SGCD: variants seen among roughly 807,000 people sequenced by gnomAD.
The protein encoded by SGCD is delta-sarcoglycan.
A neutral mutation model predicts 36.6 loss-of-function variants in SGCD; 18 were observed. That is an observed-to-expected ratio of 0.49 (90% CI 0.34 to 0.73). The LOEUF is 0.73. Ranked by LOEUF, SGCD falls within the 30% of genes least tolerant of loss-of-function variation. The pLI, the probability that SGCD is intolerant of heterozygous loss-of-function variation, is 0.01. For missense variants in SGCD, 387 were observed against 346.7 expected, an observed-to-expected ratio of 1.12 and a Z score of -0.92; for synonymous variants, 133 against 130.6, an observed-to-expected ratio of 1.02 and a Z score of -0.12.
chr5:155,994,046 C>T (rs1436130902), intron 1 of SGCD, among the ~76,000 whole-genome samples: 1 of 152,172 alleles, frequency 6.6e-6, no homozygotes, highest in Non-Finnish European at 1.5e-5. Flanking sequence ...AATCTGTCCC[C>T]AGTATTTTAC....
At chr5:156,733,118 C>T (rs1756165856) in intron 7 of SGCD, among the ~76,000 whole-genome samples, 1 of 151,792 alleles carries the variant, frequency 6.6e-6, no homozygotes, top group African/African-American at 2.4e-5. Flanking sequence ...GGTTTGTTTG[C>T]TCTTGGTTCT....
chr5:156,751,982 T>A (rs142761833), intron 7 of SGCD, among the ~76,000 whole-genome samples: 6 of 152,226 alleles, frequency 3.9e-5, no homozygotes, highest in Non-Finnish European at 7.3e-5. Context: ...ACAAGAATGT[T>A]CATGGTTGCA....
chr5:156,243,080 CT>C (rs1274836668), intron 3 of SGCD, among the ~76,000 whole-genome samples: 1 of 152,124 alleles, frequency 6.6e-6, no homozygotes, highest in Non-Finnish European at 1.5e-5. Flanking sequence ...AGGACTGTGT[CT>C]GCACAAAGGG....
chr5:156,599,436 A>G (rs1243791620), intron 6 of SGCD, among the ~76,000 whole-genome samples: 1 of 152,230 alleles, frequency 6.6e-6, no homozygotes, highest in Non-Finnish European at 1.5e-5. Context: ...AGTAAATGCT[A>G]TGTAAAAAGT....
At chr5:156,128,760 C>A (rs964987339) in intron 3 of SGCD, among the ~76,000 whole-genome samples, 3 of 152,140 alleles carry the variant, frequency 2.0e-5, no homozygotes, top group Non-Finnish European at 4.4e-5. Flanking sequence ...TTGCCTTCTG[C>A]CATGATTGTA....
rs374594029 is a variant in SGCD at position 156,499,324 on chromosome 5, G to A, written c.193-9277G>A. Among the ~76,000 whole-genome samples, 10 of 152,212 alleles carry A rather than the reference G, an allele frequency of 6.6e-5. No homozygotes were observed. The East Asian group carries it at 7.7e-4, about 12-fold the overall frequency. Reference sequence around the variant, plus strand: ...AGCACTTTCTGAACAATCTCTAGCCGATTTCTTTTTTTCTCTTGCAATTAG... The same window carrying A: ...AGCACTTTCTGAACAATCTCTAGCCAATTTCTTTTTTTCTCTTGCAATTAG... On this transcript the variant is annotated intron_variant, in intron 3 of 8. Transcript: ENST00000337851.
chr5:156,075,656 CA>C (rs1350533893), intron 1 of SGCD, among the ~76,000 whole-genome samples: 1 of 152,090 alleles, frequency 6.6e-6, no homozygotes, highest in Non-Finnish European at 1.5e-5. Context: ...TAGAAAGAAA[CA>C]TAGTAATTAT....
At chr5:156,559,276 G>A (rs1215659190) in intron 4 of SGCD, among the ~76,000 whole-genome samples, 3 of 152,044 alleles carry the variant, frequency 2.0e-5, no homozygotes, top group South Asian at 2.1e-4. Flanking sequence ...TGGAATACCC[G>A]CATCTGTCAT....
At chr5:156,603,799 G>A (rs186757992) in intron 6 of SGCD, among the ~76,000 whole-genome samples, 57 of 152,092 alleles carry the variant, frequency 3.7e-4, no homozygotes, top group African/African-American at 1.3e-3. Context: ...GTTAAGACTT[G>A]TTTTGTGGTA....
chr5:156,368,197 T>C (rs1160113479), intron 3 of SGCD, among the ~76,000 whole-genome samples: 1 of 151,998 alleles, frequency 6.6e-6, no homozygotes, highest in Non-Finnish European at 1.5e-5. Flanking sequence ...GTTCAAGCAA[T>C]TCTCTGCTTT....
intron 3 of SGCD, among the ~76,000 whole-genome samples, chr5:156,240,074 C>T (rs922159318): frequency 2.0e-5 from 3 of 152,068 alleles, no homozygotes. Flanking sequence ...GAAGCCTTAC[C>T]CAGTGCTGTG....
chr5:156,644,222 T>C (rs966428740), intron 6 of SGCD, among the ~76,000 whole-genome samples: 1 of 152,200 alleles, frequency 6.6e-6, no homozygotes, highest in Non-Finnish European at 1.5e-5. Context: ...TGCTATTTGC[T>C]GTCCTAGTAA....
At position 155,871,056 on chromosome 5, in the gene SGCD, C is replaced by G. The variant is rs372574786; in HGVS notation, c.-282+632C>G. Among the ~76,000 whole-genome samples the G allele has an allele frequency of 2.9e-4, 44 of 151,686 alleles. 1 individual carries two copies. The highest frequency in any genetic ancestry group is 9.9e-4 in the African/African-American group (41 of 41,332). On this transcript the variant is annotated intron_variant, in intron 1 of 9. Transcript: ENST00000517913. ...GATTGATTTCGGTTTTTTTTTGCAA[C>G]TTTTCTGTAGAGAGACTTGGATTGC...
chr5:156,229,937 C>T (rs760530529), intron 3 of SGCD, among the ~76,000 whole-genome samples: 2 of 152,230 alleles, frequency 1.3e-5, no homozygotes. Context: ...CTTTCTTCTA[C>T]TTGTTCAATT....
intron 4 of SGCD, among the ~76,000 whole-genome samples, chr5:156,513,515 C>A (rs1319099532): frequency 6.6e-6 from 1 of 152,154 alleles, no homozygotes; most frequent in Non-Finnish European, 1.5e-5. Flanking sequence ...GGGGTATCAC[C>A]TTCTGCTTTT....
At position 156,572,969 on chromosome 5, in the gene SGCD, A is replaced by G. The variant is rs1759782547; in HGVS notation, c.295-16262A>G. ...TTTTGACCAGCCAAGAAAGAAATTTAGGGTACACAAAAATAATTAAGAAAT... is the reference window on the plus strand; with the variant it reads ...TTTTGACCAGCCAAGAAAGAAATTTGGGGTACACAAAAATAATTAAGAAAT... On this transcript the variant is annotated intron_variant, in intron 4 of 8. Transcript: ENST00000337851. Among the ~76,000 whole-genome samples the G allele has an allele frequency of 2.6e-5, 4 of 152,200 alleles. No homozygotes were observed. In the South Asian group the frequency reaches 8.3e-4, roughly 32 times the overall value.
rs115253258 is a variant in SGCD, at chr5:156,282,694, G to T, written c.-43-46840G>T. ...CCTTTACTCTGATTACTTACGTGTG[G>T]TCTATATGTAGTCTTAAAAATTCTT... On this transcript the variant is annotated intron_variant, in intron 3 of 9. Transcript: ENST00000517913. Among the ~76,000 whole-genome samples the T allele has an allele frequency of 6.0e-3, 919 of 152,158 alleles. 3 individuals carry two copies. The highest frequency in any genetic ancestry group is 0.011 in the Non-Finnish European group (733 of 67,996).
intron 3 of SGCD, among the ~76,000 whole-genome samples, chr5:156,498,890 A>G (rs1467981267): frequency 1.3e-5 from 2 of 151,990 alleles, no homozygotes; most frequent in African/African-American, 4.8e-5. Flanking sequence ...TTAGTGGTAT[A>G]TGAAAGTACA....
intron 3 of SGCD, among the ~76,000 whole-genome samples, chr5:156,444,082 C>G (rs1753629403): frequency 9.0e-6 from 1 of 111,296 alleles, no homozygotes; most frequent in African/African-American, 4.2e-5. Context: ...CTCTCTCTCT[C>G]TCTCTCTCTC....
Sources: gnomAD v4.1 joint callset for allele counts (sites outside exome capture counted in the v4.1 genomes callset) on GRCh38, gnomAD v4.1.1 for gene constraint, MANE v1.5 for transcripts, NCBI Gene and HGNC (gene_info 2026-07-23, HGNC 2026-07-21) for gene names.